PCM1: variants seen among roughly 807,000 people sequenced by gnomAD.
PCM1 encodes the protein pericentriolar material 1 protein.
A neutral mutation model predicts 241.9 loss-of-function variants in PCM1; 157 were observed. The ratio of observed to expected loss-of-function variants is 0.65; its 90% CI spans 0.57 to 0.74. The LOEUF (loss-of-function observed/expected upper bound fraction) is 0.74. Among genes scored for constraint, PCM1 ranks in the 30% least tolerant of loss-of-function variants. The probability of loss-of-function intolerance (pLI) is 0.00; values close to 1 mark genes in which losing one functional copy is unlikely to be tolerated. For missense variants in PCM1, 3,478 were observed against 2,360.1 expected (o/e 1.47, Z -9.81); for synonymous variants, 1,085 against 784.9 (o/e 1.38, Z -6.39).
In PCM1 at chr8:17,947,258, A is replaced by C; in HGVS notation, c.856A>C (p.Met286Leu). The change falls in exon 7 of 39, where the codon ATG becomes CTG. Residue 286 changes from methionine to leucine, a missense_variant. Transcript: ENST00000325083. ...LKKQHDLLKR[M>L]LQQQEQLRAL... ...GAAACAACATGATTTATTAAAAAGAATGTTACAACAGCAGGAGCAACTAAG... is the reference window on the plus strand; with the variant it reads ...GAAACAACATGATTTATTAAAAAGACTGTTACAACAGCAGGAGCAACTAAG... 1 of 1,610,876 alleles carries C rather than the reference A, an allele frequency of 6.2e-7. No homozygotes were observed. The highest frequency in any genetic ancestry group is 8.5e-7 in the Non-Finnish European group (1 of 1,177,282).
chr8:17,960,376 G>A lies in PCM1; in HGVS notation c.2254G>A (p.Glu752Lys). ...GAGAGAGCTAAAACAATTGCAGGAA[G>A]AAAGAAAGAAACTGATTGACATTCA... ...QQRELKQLQE[E>K]RKKLIDIQEK... The change falls in exon 15 of 39, where the codon GAA becomes AAA. Residue 752 changes from glutamate (E) to lysine (K), a missense_variant. Physicochemically the swap from Glu to Lys is moderately conservative, Grantham distance 56. Coordinates refer to ENST00000325083, the MANE Select transcript of PCM1 (RefSeq NM_006197.4). The A allele has an allele frequency of 6.2e-7, 1 of 1,608,110 alleles. No homozygotes were observed. The highest frequency in any genetic ancestry group is 8.5e-7 in the Non-Finnish European group (1 of 1,177,964).
rs750699114 is a variant in PCM1 at position 17,964,690 on chromosome 8, G to C, written c.2777G>C (p.Ser926Thr). The change falls in exon 18 of 39, where the codon AGT (serine) becomes ACT (threonine). Residue 926 changes from serine to threonine, a missense_variant. Coordinates refer to ENST00000325083, the MANE Select transcript of PCM1 (RefSeq NM_006197.4). ...GAGGAGGAAGAAGAGCAAGATGCCA[G>C]TTCCAATGATAACTTTTCTGTGTGT... ...DEEEEEEQDA[S>T]SNDNFSVCPS... 1 of 1,613,874 alleles carries C rather than the reference G, an allele frequency of 6.2e-7. No homozygotes were observed. The highest frequency in any genetic ancestry group is 8.5e-7 in the Non-Finnish European group (1 of 1,179,764).
chr8:17,999,661 T>TC (rs2088502476), intron 29 of PCM1, among the ~76,000 whole-genome samples: 1 of 152,172 alleles, frequency 6.6e-6, no homozygotes, highest in South Asian at 2.1e-4. Context: ...AGATGGTCTT[T>TC]CCTACCCTCA....
At position 18,006,354 on chromosome 8, in the gene PCM1, A is replaced by G. The variant is rs761925088; in HGVS notation, c.4919A>G (p.Glu1640Gly). The G allele has an allele frequency of 2.5e-6, 4 of 1,612,920 alleles. No homozygotes were observed. Among genetic ancestry groups the G allele is most frequent in the Non-Finnish European group, 3.4e-6 (4 of 1,179,140 alleles). The stretch of plus-strand genomic sequence containing the variant: ...ACCCAGCAAAATGATGAGAGCAAAG[A>G]GTTTGTAAAGTTCTTTCATAAACAA... ...TLTQQNDESK[E>G]FVKFFHKQLG... The change falls in exon 30 of 39, where the codon GAG becomes GGG. Residue 1640 changes from glutamate (E) to glycine (G), a missense_variant. Glu to Gly is a moderately conservative substitution (Grantham distance 98). Coordinates refer to ENST00000325083, the MANE Select transcript of PCM1 (RefSeq NM_006197.4).
chr8:17,988,595 T>G (rs551723663), intron 26 of PCM1, among the ~76,000 whole-genome samples: 47 of 151,888 alleles, frequency 3.1e-4, no homozygotes, highest in Non-Finnish European at 4.7e-4. Flanking sequence ...GATACTGTTA[T>G]GGGAAAATAA....
intron 2 of PCM1, chr8:17,925,358 T>C (rs1213646488): frequency 6.6e-6 from 1 of 152,212 alleles, no homozygotes; most frequent in Non-Finnish European, 1.5e-5. Context: ...TGTTGTAGAA[T>C]GTAAGTTCAC....
At position 18,011,335 on chromosome 8, in the gene PCM1, T is replaced by A; in HGVS notation, c.5319T>A (p.Asp1773Glu). ...VRSDISDQEE[D>E]EESEGCPVSI... is the part of the protein sequence containing the mutation. ...CTGATATTTCTGATCAAGAGGAAGA[T>A]GAAGAAAGTGAAGGATGTCCAGTGT... The change falls in exon 33 of 39, where the codon GAT becomes GAA. Residue 1773 changes from aspartate to glutamate, a missense_variant. Transcript: ENST00000325083. 6.2e-7 allele frequency: 1 copy of A among 1,602,354 alleles called. No homozygotes were observed. The highest frequency in any genetic ancestry group is 8.5e-7 in the Non-Finnish European group (1 of 1,175,596).
rs2092178186 is a variant in PCM1 at position 18,009,764 on chromosome 8, AT to A, written c.5160+25del. On this transcript the variant is annotated intron_variant, in intron 31 of 38. Transcript: ENST00000325083. ...AAAGAGGTAAATAACGTTCATTTTG[AT>A]TTTTAGGATAATTGACACATAAATA... 7.4e-7 allele frequency: 1 copy of A among 1,352,704 alleles called. No homozygotes were observed. The highest frequency in any genetic ancestry group is 9.7e-7 in the Non-Finnish European group (1 of 1,026,628). The allele number at this position is 1,352,704 out of a possible 1,614,324, so 83.8% of individuals were successfully genotyped here.
chr8:17,984,110 T>C (rs1304422536), intron 24 of PCM1, among the ~76,000 whole-genome samples: 1 of 152,134 alleles, frequency 6.6e-6, no homozygotes, highest in African/African-American at 2.4e-5. Context: ...GAATGAAGCT[T>C]GTGTTTAAAT....
At chr8:18,017,576 A>G (rs1247452466) in intron 36 of PCM1, among the ~76,000 whole-genome samples, 2 of 152,176 alleles carry the variant, frequency 1.3e-5, no homozygotes, top group African/African-American at 4.8e-5. Context: ...AGGCTGGGCC[A>G]GGCATGGTGG....
rs373851871 is a variant in PCM1 at position 17,967,117 on chromosome 8, C to T, written c.3359C>T (p.Pro1120Leu). Reference sequence around the variant, plus strand: ...TGTCCTTTCAGCTTTCCAACACAGCCTGTAAATCTCTTCAATATACCTGGA... The same window carrying T: ...TGTCCTTTCAGCTTTCCAACACAGCTTGTAAATCTCTTCAATATACCTGGA... ...LFCPFSFPTQ[P>L]VNLFNIPGFT... The change falls in exon 21 of 39, where the codon CCT becomes CTT. Residue 1120 changes from proline to leucine, a missense_variant. By Grantham distance (98) the Pro-to-Leu change is moderately conservative. Transcript: ENST00000325083. 2.5e-6 allele frequency: 4 copies of T among 1,606,496 alleles called. No homozygotes were observed. Among genetic ancestry groups the T allele is most frequent in the Non-Finnish European group, 3.4e-6 (4 of 1,176,046 alleles).
intron 7 of PCM1, among the ~76,000 whole-genome samples, chr8:17,948,053 G>C (rs2064491393): frequency 6.6e-6 from 1 of 152,104 alleles, no homozygotes; most frequent in Non-Finnish European, 1.5e-5. Context: ...GTTATTAAAA[G>C]TCAACAAAAC....
At chr8:18,024,497 A>G (rs180976846) in intron 36 of PCM1, among the ~76,000 whole-genome samples, 2 of 152,342 alleles carry the variant, frequency 1.3e-5, no homozygotes, top group East Asian at 3.8e-4. Context: ...CACTACGAGT[A>G]CAATTATACA....
chr8:17,981,192 G>A (rs1176340582), intron 24 of PCM1, among the ~76,000 whole-genome samples: 1 of 152,120 alleles, frequency 6.6e-6, no homozygotes, highest in Non-Finnish European at 1.5e-5. Context: ...ACTCTGCCTT[G>A]AACTTTTTTC....
At chr8:17,977,365 T>C (rs2079132758) in intron 23 of PCM1, among the ~76,000 whole-genome samples, 1 of 152,160 alleles carries the variant, frequency 6.6e-6, no homozygotes, top group Non-Finnish European at 1.5e-5. Flanking sequence ...GATGATGAAG[T>C]CTTACATAAT....
At chr8:17,962,504 T>A (rs1252585552) in intron 16 of PCM1, among the ~76,000 whole-genome samples, 1 of 152,206 alleles carries the variant, frequency 6.6e-6, no homozygotes, top group Non-Finnish European at 1.5e-5. Flanking sequence ...ATAGTAATCA[T>A]TTCAGTTAGA....
chr8:17,989,925 G>A lies in PCM1; in HGVS notation c.4477G>A (p.Ala1493Thr), dbSNP rs2083931410. 6.5e-7 allele frequency: 1 copy of A among 1,545,946 alleles called. No homozygotes were observed. Among genetic ancestry groups the A allele is most frequent in the Non-Finnish European group, 8.7e-7 (1 of 1,143,210 alleles). Residue 1493 changes from alanine (A) to threonine (T), a missense_variant, in exon 27 of 39, where the codon GCT becomes ACT. Transcript: ENST00000325083. ...AAGTGAGCAAAATGATGCTGATAAT[G>A]CTAGTGTCCTGTCTGTATCATCAAA... ...KISEQNDADNASVLSVSSNFE... is the reference protein window; with the variant it reads ...KISEQNDADNTSVLSVSSNFE...
chr8:17,994,518 A>G (rs889990643), intron 29 of PCM1, among the ~76,000 whole-genome samples: 3 of 152,164 alleles, frequency 2.0e-5, no homozygotes, highest in African/African-American at 7.2e-5. Context: ...GCCCTTTAAT[A>G]CACTGATGTC....
rs17126133 is a variant in PCM1, at chr8:18,029,833, G to C, written c.*2171G>C. Reference sequence around the variant, plus strand: ...AGTGAGAGAGAACTTTATGCAGGTTGAGATAATGCCTAAAATAATGAGCTG... The same window carrying C: ...AGTGAGAGAGAACTTTATGCAGGTTCAGATAATGCCTAAAATAATGAGCTG... On this transcript the variant is annotated 3_prime_UTR_variant, in exon 39 of 39. Transcript: ENST00000325083. 0.053 allele frequency: 10,383 copies of C among 196,500 alleles called. 1,150 individuals are homozygous for C. The highest frequency in any genetic ancestry group is 0.23 in the African/African-American group (9,758 of 43,344). 12.2% of individuals were successfully genotyped at this position (196,500 alleles called of 1,614,324 possible).
Sources: gnomAD v4.1 joint callset for allele counts (sites outside exome capture counted in the v4.1 genomes callset) on GRCh38, gnomAD v4.1.1 for gene constraint, MANE v1.5 for transcripts, NCBI Gene and HGNC (gene_info 2026-07-23, HGNC 2026-07-21) for gene names.